USP42: variants seen among roughly 807,000 people sequenced by gnomAD.
The protein encoded by USP42 is ubiquitin specific peptidase 42.
A neutral mutation model predicts 113.0 loss-of-function variants in USP42; 23 were observed. The ratio of observed to expected loss-of-function variants is 0.20; its 90% CI spans 0.15 to 0.29. The LOEUF (loss-of-function observed/expected upper bound fraction) is 0.29, where lower values mean the gene tolerates loss of function less well. USP42 is among the 10% of genes least tolerant of loss of function. The probability of loss-of-function intolerance (pLI) is 1.00; values close to 1 mark genes in which losing one functional copy is unlikely to be tolerated. For synonymous variants in USP42, 933 were observed against 699.0 expected (o/e 1.33, Z -5.28); for missense variants, 2,174 against 1,779.8 (o/e 1.22, Z -3.99).
At chr7:6,103,036 A>G (rs1369720715), upstream of USP42, among the ~76,000 whole-genome samples, 1 of 151,092 alleles carries the variant, frequency 6.6e-6, no homozygotes, top group Non-Finnish European at 1.5e-5. Flanking sequence ...GGAGGGAAAG[A>G]GGCAGTGAGA....
At chr7:6,098,815 G>C in the USP42 span, among the ~76,000 whole-genome samples, 10 of 150,186 alleles carry the variant, frequency 6.7e-5, no homozygotes, top group Non-Finnish European at 1.2e-4. Context: ...CAGAGTGCTG[G>C]GATTACAGGC....
intron 3 of USP42, among the ~76,000 whole-genome samples, chr7:6,120,059 G>A (rs1227123556): frequency 6.6e-6 from 1 of 152,142 alleles, no homozygotes; most frequent in Non-Finnish European, 1.5e-5. Context: ...TACGCCCCCG[G>A]GTTCACGCCA....
rs1055791520 is a variant in USP42, at chr7:6,160,793, CT to C, written c.*276del. On this transcript the variant is annotated 3_prime_UTR_variant, in exon 18 of 18. Transcript: ENST00000306177. Reference sequence around the variant, plus strand: ...ATATAAATCCCATTGAAATAATGCCCTGGAATAGAACATCTCAAATGCTGCT... The same window carrying C: ...ATATAAATCCCATTGAAATAATGCCCGGAATAGAACATCTCAAATGCTGCT... The C allele has an allele frequency of 6.6e-6, 1 of 152,538 alleles. No individual in the cohort carries two copies. The highest frequency in any genetic ancestry group is 2.4e-5 in the African/African-American group (1 of 41,418). The allele number at this position is 152,538 out of a possible 1,614,324, so 9.4% of individuals were successfully genotyped here.
At chr7:6,121,834 T>C (rs1780241772) in intron 3 of USP42, among the ~76,000 whole-genome samples, 1 of 152,166 alleles carries the variant, frequency 6.6e-6, no homozygotes, top group African/African-American at 2.4e-5. Context: ...AATTTTTAAA[T>C]TATTTTTGTA....
chr7:6,138,168 G>C (rs1190492495), intron 4 of USP42, among the ~76,000 whole-genome samples: 1 of 152,080 alleles, frequency 6.6e-6, no homozygotes, highest in African/African-American at 2.4e-5. Flanking sequence ...ATTTAAGCTA[G>C]AACATTTTTA....
intron 8 of USP42, 103 bp downstream of exon 8, chr7:6,143,117 C>T: frequency 8.7e-7 from 1 of 1,143,462 alleles, no homozygotes; most frequent in Non-Finnish European, 1.3e-6. Context: ...GCTTGAGTTT[C>T]TGATACCCTC....
intron 3 of USP42, among the ~76,000 whole-genome samples, chr7:6,130,307 T>C (rs1310600448): frequency 6.6e-6 from 1 of 152,228 alleles, no homozygotes; most frequent in Non-Finnish European, 1.5e-5. Flanking sequence ...AGGTGGGAAT[T>C]GGGGATCGTT....
chr7:6,127,362 C>G (rs1424173102), intron 3 of USP42, among the ~76,000 whole-genome samples: 1 of 151,938 alleles, frequency 6.6e-6, no homozygotes, highest in African/African-American at 2.4e-5. Context: ...CTTTGCCTAG[C>G]TCTTGATCCT....
rs766458780 is a variant in USP42, at chr7:6,154,140, G to T, written c.2586G>T (p.Arg862=). 6.3e-7 allele frequency: 1 copy of T among 1,596,710 alleles called. No individual in the cohort carries two copies. Among genetic ancestry groups the T allele is most frequent in the South Asian group, 1.1e-5 (1 of 90,550 alleles). Residue 862 remains arginine, a synonymous_variant, in exon 15 of 18, where the codon CGG becomes CGT. Coordinates refer to ENST00000306177, the MANE Select transcript of USP42 (RefSeq NM_032172.3). ...GGTTGAGTCCGGCTCCGCCTGCGCGGTCGGAGGAGCCCTGCGAGCAGCCAC... is the reference window on the plus strand; with the variant it reads ...GGTTGAGTCCGGCTCCGCCTGCGCGTTCGGAGGAGCCCTGCGAGCAGCCAC... ...PEGLSPAPPA[R]SEEPCEQPLL... is the part of the protein sequence containing the mutation.
intron 1 of USP42, among the ~76,000 whole-genome samples, chr7:6,108,248 A>G (rs1779402860): frequency 6.6e-6 from 1 of 152,146 alleles, no homozygotes; most frequent in South Asian, 2.1e-4. Flanking sequence ...CTTTTAAAAA[A>G]CAAATTTGGC....
At chr7:6,156,516 C>T (rs925649131) in intron 15 of USP42, among the ~76,000 whole-genome samples, 7 of 152,278 alleles carry the variant, frequency 4.6e-5, no homozygotes, top group South Asian at 2.1e-4. Context: ...GTGTTGCAGT[C>T]GTAGCTCACT....
At chr7:6,140,229 C>T (rs1442211149) in intron 6 of USP42, 34 bp downstream of exon 6, 17 of 1,575,972 alleles carry the variant, frequency 1.1e-5, no homozygotes, top group Non-Finnish European at 1.5e-5. Flanking sequence ...TAAAATGATA[C>T]ACACATGTGG....
chr7:6,111,453 G>C, intron 2 of USP42, 79 bp downstream of exon 2: 1 of 1,531,996 alleles, frequency 6.5e-7, no homozygotes, highest in Non-Finnish European at 8.8e-7. Flanking sequence ...TTCAGAGAGG[G>C]GCTTATTTTG....
chr7:6,151,580 G>A (rs1447835330), intron 14 of USP42, among the ~76,000 whole-genome samples: 2 of 152,098 alleles, frequency 1.3e-5, no homozygotes, highest in East Asian at 3.8e-4. Flanking sequence ...TGGGACTACA[G>A]GCATGCGCCA....
chr7:6,105,152 G>C (rs1324081778), intron 1 of USP42, 120 bp downstream of exon 1: 1 of 145,936 alleles, frequency 6.9e-6, no homozygotes, highest in Non-Finnish European at 1.5e-5. Flanking sequence ...CCGGGGGCTG[G>C]TGCGGCCCCT....
At chr7:6,082,772 G>C in the USP42 span, among the ~76,000 whole-genome samples, 1 of 149,360 alleles carries the variant, frequency 6.7e-6, no homozygotes, top group Admixed American at 6.6e-5. Flanking sequence ...CGCTACACCT[G>C]GCTAATGTTT....
chr7:6,108,889 C>T (rs551649950), intron 1 of USP42, among the ~76,000 whole-genome samples: 7 of 152,298 alleles, frequency 4.6e-5, no homozygotes, highest in South Asian at 4.1e-4. Flanking sequence ...TAAAAGCAAA[C>T]GCTAGTTGTT....
At chr7:6,136,844 GT>G (rs1449805617) in intron 4 of USP42, among the ~76,000 whole-genome samples, 1 of 144,880 alleles carries the variant, frequency 6.9e-6, no homozygotes, top group Non-Finnish European at 1.5e-5. Flanking sequence ...GTGTCTCACT[GT>G]TTTGCCCAGG....
the USP42 span, chr7:6,085,401 AG>A: frequency 6.6e-6 from 1 of 150,756 alleles, no homozygotes; most frequent in South Asian, 2.1e-4. Context: ...CTGGGATTTT[AG>A]GCGTGGGCCA....
Sources: gnomAD v4.1 joint callset for allele counts (sites outside exome capture counted in the v4.1 genomes callset) on GRCh38, gnomAD v4.1.1 for gene constraint, MANE v1.5 for transcripts, NCBI Gene and HGNC (gene_info 2026-07-23, HGNC 2026-07-21) for gene names.